PEAK3: variants seen among roughly 807,000 people sequenced by gnomAD.
PEAK3 encodes protein PEAK3.
A neutral mutation model predicts 13.3 loss-of-function variants in PEAK3; 15 were observed. The observed-to-expected ratio is 1.13, with a 90% CI of 0.75 to 1.73. The LOEUF is 1.73. Among genes scored for constraint, PEAK3 ranks in the 40% most tolerant of loss-of-function variants. The pLI is 0.00. For missense variants in PEAK3, 739 were observed against 690.2 expected, an observed-to-expected ratio of 1.07 and a Z score of -0.79; for synonymous variants, 347 against 341.9, an observed-to-expected ratio of 1.01 and a Z score of -0.17.
chr19:2,277,661 G>A (rs2025402871), intron 3 of PEAK3, among the ~76,000 whole-genome samples: 1 of 151,474 alleles, frequency 6.6e-6, no homozygotes, highest in Non-Finnish European at 1.5e-5. Flanking sequence ...CCGCCTCCCA[G>A]GTTCAAGTGA....
chr19:2,281,143 G>A (rs2025435505), intron 1 of PEAK3, among the ~76,000 whole-genome samples: 2 of 150,836 alleles, frequency 1.3e-5, no homozygotes, highest in Admixed American at 1.3e-4. Flanking sequence ...TGTCCTCTCT[G>A]GGCCCCTGCT....
rs375740830 is a variant in PEAK3 at position 2,280,869 on chromosome 19, C to T, written c.63G>A (p.Gln21=). 69 of 1,606,552 alleles carry T rather than the reference C, an allele frequency of 4.3e-5. No homozygotes were observed. In the African/African-American group the frequency reaches 8.6e-4, roughly 20 times the overall value. ...PEPDNPTWST[Q]PTYSNLGQIR... is the part of the protein sequence containing the mutation. The stretch of plus-strand genomic sequence containing the variant: ...GCTTACCAAGGTTGCTATACGTGGG[C>T]TGAGTCGACCAGGTGGGGTTGTCGG... The change falls in exon 2 of 4, where the codon CAG becomes CAA. Residue 21 remains glutamine (Q), a synonymous_variant. Coordinates refer to ENST00000342063, the MANE Select transcript of PEAK3 (RefSeq NM_198532.3).
At chr19:2,276,608 C>T in intron 3 of PEAK3, 119 bp from the exon 4 acceptor site, 1 of 806,600 alleles carries the variant, frequency 1.2e-6, no homozygotes, top group Non-Finnish European at 1.9e-6. Flanking sequence ...CCCACTACGG[C>T]TAGGGGCTGC....
At position 2,276,194 on chromosome 19, in the gene PEAK3, A is replaced by G; in HGVS notation, c.908T>C (p.Val303Ala). The change falls in exon 4 of 4, where the codon GTC (valine) becomes GCC (alanine). Residue 303 changes from valine to alanine, a missense_variant. By Grantham distance (64) the Val-to-Ala change is moderately conservative. Transcript: ENST00000342063. ...KFLEAWGAAL[V>A]ELRPENLLLV... ...CAGCAAGTTCTCCGGCCGCAACTCG[A>G]CTAGGGCCGCGCCCCACGCCTCCAG... The G allele has an allele frequency of 1.3e-6, 2 of 1,557,528 alleles. No individual in the cohort carries two copies. Among genetic ancestry groups the G allele is most frequent in the Non-Finnish European group, 8.7e-7 (1 of 1,154,338 alleles).
At chr19:2,277,872 T>G (rs1051774042) in intron 3 of PEAK3, among the ~76,000 whole-genome samples, 4 of 150,780 alleles carry the variant, frequency 2.7e-5, no homozygotes, top group African/African-American at 9.8e-5. Flanking sequence ...CCAGCCTTTT[T>G]TTTTTTTTTT....
chr19:2,280,716 C>T (rs2025431308), intron 2 of PEAK3, 134 bp downstream of exon 2: 4 of 689,428 alleles, frequency 5.8e-6, no homozygotes, highest in South Asian at 3.6e-5. Flanking sequence ...ACTCATTTTA[C>T]CAGCTGCTGC....
At position 2,279,021 on chromosome 19, in the gene PEAK3, G is replaced by T; in HGVS notation, c.175C>A (p.Leu59Met). 1.3e-6 allele frequency: 2 copies of T among 1,548,438 alleles called. No homozygotes were observed. The highest frequency in any genetic ancestry group is 1.8e-6 in the Non-Finnish European group (2 of 1,141,498). ...STNPEPLPPP[L>M]PKKILTRTQS... is the part of the protein sequence containing the mutation. ...GTCCGGGTTAGGATCTTCTTGGGCA[G>T]GGGTGGGGGCAGGGGCTCTGGGTTG... is the stretch of plus-strand genomic sequence containing the variant. The change falls in exon 3 of 4, where the codon CTG (leucine) becomes ATG (methionine). Residue 59 changes from leucine (L) to methionine (M), a missense_variant. Leu to Met is a conservative substitution (Grantham distance 15, BLOSUM62 2). Coordinates refer to ENST00000342063, the MANE Select transcript of PEAK3 (RefSeq NM_198532.3).
Position 2,278,701 on chromosome 19 carries a change from G to A in PEAK3, c.495C>T (p.Cys165=), listed in dbSNP as rs1165757574. The change falls in exon 3 of 4, where the codon TGC becomes TGT. Residue 165 remains cysteine, a synonymous_variant. Transcript: ENST00000342063. ...ARLMGGHPGP[C]HPGHSFRLLD... is the part of the protein sequence containing the mutation. ...GGAGGCGGAAGCTGTGGCCGGGGTG[G>A]CAGGGCCCGGGGTGGCCCCCCATGA... The A allele has an allele frequency of 7.9e-6, 12 of 1,524,812 alleles. No homozygotes were observed. Among genetic ancestry groups the A allele is most frequent in the Non-Finnish European group, 9.7e-6 (11 of 1,135,998 alleles). 94.5% of individuals were successfully genotyped at this position (1,524,812 alleles called of 1,614,324 possible).
chr19:2,276,953 A>G (rs1044015929), intron 3 of PEAK3, among the ~76,000 whole-genome samples: 1 of 152,132 alleles, frequency 6.6e-6, no homozygotes, highest in Non-Finnish European at 1.5e-5. Flanking sequence ...TGGAGGTTGC[A>G]GTGAGCCGAG....
In PEAK3 at chr19:2,279,027, G is replaced by A; in HGVS notation, c.169C>T (p.Pro57Ser). ...GTTAGGATCTTCTTGGGCAGGGGTG[G>A]GGGCAGGGGCTCTGGGTTGGTGGAG... ...SLSTNPEPLPPPLPKKILTRT... is the reference protein window; with the variant it reads ...SLSTNPEPLPSPLPKKILTRT... Residue 57 changes from proline (P) to serine (S), a missense_variant, in exon 3 of 4, where the codon CCA becomes TCA. Pro to Ser is a moderately conservative substitution (Grantham distance 74). Coordinates refer to ENST00000342063, the MANE Select transcript of PEAK3 (RefSeq NM_198532.3). 1 of 1,534,368 alleles carries A rather than the reference G, an allele frequency of 6.5e-7. No individual in the cohort carries two copies. The highest frequency in any genetic ancestry group is 8.8e-7 in the Non-Finnish European group (1 of 1,135,126).
In PEAK3 at chr19:2,279,061, AG is replaced by A; in HGVS notation, c.134del (p.Pro45LeufsTer20). ...LPSKACRLRT[P>X]GSLSTNPEPL... ...GCTCTGGGTTGGTGGAGAGGGACCC[AG>A]GGGTCCGGAGGCGGCAGGCCTTGGA... On this transcript the variant is annotated frameshift_variant, in exon 3 of 4. Coordinates refer to ENST00000342063, the MANE Select transcript of PEAK3 (RefSeq NM_198532.3). LOFTEE classifies it high-confidence loss of function. 6.8e-7 allele frequency: 1 copy of A among 1,479,094 alleles called. No homozygotes were observed. The highest frequency in any genetic ancestry group is 9.0e-7 in the Non-Finnish European group (1 of 1,110,202). The allele number at this position is 1,479,094 out of a possible 1,614,324, so 91.6% of individuals were successfully genotyped here.
intron 3 of PEAK3, among the ~76,000 whole-genome samples, chr19:2,277,726 C>A (rs192468895): frequency 6.6e-6 from 1 of 152,032 alleles, no homozygotes; most frequent in South Asian, 2.1e-4. Context: ...CCACCGCGCC[C>A]GGCTAATTTT....
Sources: allele counts gnomAD v4.1 joint callset (sites outside exome capture counted in the v4.1 genomes callset), GRCh38; gene constraint gnomAD v4.1.1; transcripts MANE v1.5; gene names NCBI Gene and HGNC (gene_info 2026-07-23, HGNC 2026-07-21).